The following EXOC4 variants were observed in gnomAD, a reference collection of about 807,000 sequenced individuals.
The protein encoded by EXOC4 is SEC8-like 1.
A neutral mutation model predicts 107.2 loss-of-function variants in EXOC4; 71 were observed. The observed-to-expected ratio is 0.66, with a 90% CI of 0.55 to 0.81. The LOEUF (loss-of-function observed/expected upper bound fraction) is 0.81. Ranked by LOEUF, EXOC4 falls within the 30% of genes least tolerant of loss-of-function variation. The pLI is 0.00. For missense variants in EXOC4, 1,108 were observed against 1,189.6 expected (o/e 0.93, Z 1.01); for synonymous variants, 456 against 441.2 (o/e 1.03, Z -0.42).
intron 7 of EXOC4, among the ~76,000 whole-genome samples, chr7:133,381,888 C>T (rs1320929106): frequency 6.6e-6 from 1 of 152,060 alleles, no homozygotes; most frequent in African/African-American, 2.4e-5. Flanking sequence ...ACCTCTTGGA[C>T]CATCATCAGC....
chr7:133,721,656 C>A (rs1238467563), intron 10 of EXOC4, among the ~76,000 whole-genome samples: 2 of 152,128 alleles, frequency 1.3e-5, no homozygotes, highest in Non-Finnish European at 2.9e-5. Flanking sequence ...CGTCTCTTTT[C>A]ATGTAGTCAT....
At position 134,019,778 on chromosome 7, in the gene EXOC4, A is replaced by C. The variant is rs551076482; in HGVS notation, c.2687+11943A>C. On this transcript the variant is annotated intron_variant, in intron 17 of 17. Transcript: ENST00000253861. ...ATATTAAAATATGATTTTATTTTTC[A>C]GTTATTCTCTTAGCTATCAAACATT... Among the ~76,000 whole-genome samples, 16 of 152,292 alleles carry C rather than the reference A, an allele frequency of 1.1e-4. 1 individual carries two copies. The South Asian group carries it at 1.9e-3, about 18-fold the overall frequency.
intron 9 of EXOC4, among the ~76,000 whole-genome samples, chr7:133,578,470 T>G (rs553460923): frequency 1.3e-5 from 2 of 152,208 alleles, no homozygotes; most frequent in Non-Finnish European, 2.9e-5. Context: ...ATTATATTTC[T>G]TATCACTATG....
Position 133,356,549 on chromosome 7 carries a change from A to G in EXOC4, c.983A>G (p.Asn328Ser). ...VADSGYQRGE[N>S]VTVENQPRLL... Reference sequence around the variant, plus strand: ...GACAGTGGCTATCAGCGGGGGGAGAACGTTACTGTGGAGAACCAACCAAGG... The same window carrying G: ...GACAGTGGCTATCAGCGGGGGGAGAGCGTTACTGTGGAGAACCAACCAAGG... The change falls in exon 6 of 18, where the codon AAC (asparagine) becomes AGC (serine). Residue 328 changes from asparagine to serine, a missense_variant. Asn to Ser is a conservative substitution (Grantham distance 46). Coordinates refer to ENST00000253861, the MANE Select transcript of EXOC4 (RefSeq NM_021807.4). 6.2e-7 allele frequency: 1 copy of G among 1,614,016 alleles called. No individual in the cohort carries two copies. The highest frequency in any genetic ancestry group is 8.5e-7 in the Non-Finnish European group (1 of 1,179,924).
chr7:133,730,857 G>A lies in EXOC4; in HGVS notation c.1515-86468G>A, dbSNP rs542354969. Among the ~76,000 whole-genome samples, 4 of 152,264 alleles carry A rather than the reference G, an allele frequency of 2.6e-5. No individual in the cohort carries two copies. In the South Asian group the frequency reaches 8.3e-4, roughly 32 times the overall value. On this transcript the variant is annotated intron_variant, in intron 10 of 17. Coordinates refer to ENST00000253861, the MANE Select transcript of EXOC4 (RefSeq NM_021807.4). Reference sequence around the variant, plus strand: ...ATAAACACAAGTATGGTGCACTTTGGTAATTTTTTGGTGAATGCTGTGGAA... The same window carrying A: ...ATAAACACAAGTATGGTGCACTTTGATAATTTTTTGGTGAATGCTGTGGAA...
chr7:133,531,801 T>G (rs890378314), intron 9 of EXOC4, among the ~76,000 whole-genome samples: 1 of 152,112 alleles, frequency 6.6e-6, no homozygotes, highest in Non-Finnish European at 1.5e-5. Context: ...TTTTGAATTG[T>G]TTTTAGAAAT....
intron 13 of EXOC4, 28 bp from the exon 14 acceptor site, chr7:133,937,863 T>C (rs1800340105): frequency 6.2e-7 from 1 of 1,613,246 alleles, no homozygotes; most frequent in South Asian, 1.1e-5. Flanking sequence ...GCTGTATATA[T>C]GAAGTGTGTT....
intron 11 of EXOC4, among the ~76,000 whole-genome samples, chr7:133,864,278 T>G (rs1000104488): frequency 6.6e-6 from 1 of 152,158 alleles, no homozygotes. Context: ...CTCTGTGAGA[T>G]AGGTTATTTC....
chr7:133,361,763 G>T (rs1033536808), intron 6 of EXOC4, among the ~76,000 whole-genome samples: 4 of 152,110 alleles, frequency 2.6e-5, no homozygotes, highest in South Asian at 4.1e-4. Context: ...AAAGTAACTT[G>T]TCATGATATC....
At chr7:133,281,704 ATTT>A (rs1029951425) in intron 2 of EXOC4, among the ~76,000 whole-genome samples, 1 of 125,998 alleles carries the variant, frequency 7.9e-6, no homozygotes, top group Non-Finnish European at 1.7e-5. Flanking sequence ...TTTCTTTTCT[ATTT>A]TTTTTTTTTT....
At chr7:133,637,119 A>G (rs1238604178) in intron 10 of EXOC4, among the ~76,000 whole-genome samples, 2 of 152,170 alleles carry the variant, frequency 1.3e-5, no homozygotes, top group Non-Finnish European at 2.9e-5. Context: ...CTAAATCCAA[A>G]CCTGGAGGAG....
chr7:133,766,271 C>G (rs556118458), intron 10 of EXOC4, among the ~76,000 whole-genome samples: 3 of 152,098 alleles, frequency 2.0e-5, no homozygotes, highest in East Asian at 3.9e-4. Flanking sequence ...CTTTGTCATG[C>G]ATCTGGTTAT....
At chr7:133,752,623 G>C (rs1795818051) in intron 10 of EXOC4, among the ~76,000 whole-genome samples, 1 of 152,132 alleles carries the variant, frequency 6.6e-6, no homozygotes, top group South Asian at 2.1e-4. Flanking sequence ...TAAAAAAGTG[G>C]TTATAAGTGT....
intron 10 of EXOC4, among the ~76,000 whole-genome samples, chr7:133,787,173 C>CTTTTTT (rs3076807): frequency 4.5e-5 from 6 of 133,128 alleles, no homozygotes; most frequent in East Asian, 2.2e-4. Flanking sequence ...TTTTTCTTTT[C>CTTTTTT]TTTTTTTTTT....
intron 10 of EXOC4, among the ~76,000 whole-genome samples, chr7:133,781,482 T>C (rs1450822413): frequency 1.3e-5 from 2 of 152,376 alleles, no homozygotes; most frequent in South Asian, 2.1e-4. Flanking sequence ...CTTGAAGATA[T>C]CAGTTAGTCT....
chr7:133,835,354 A>C (rs552254789), intron 11 of EXOC4, among the ~76,000 whole-genome samples: 45 of 152,334 alleles, frequency 3.0e-4, no homozygotes, highest in Non-Finnish European at 5.9e-4. Flanking sequence ...TGTTTTATAC[A>C]TTAAGGACAC....
At chr7:133,515,838 C>G (rs1315498863) in intron 9 of EXOC4, among the ~76,000 whole-genome samples, 1 of 152,142 alleles carries the variant, frequency 6.6e-6, no homozygotes, top group African/African-American at 2.4e-5. Context: ...TAGCCAGTTT[C>G]TAAAGAATTC....
At chr7:133,662,698 C>G (rs7783281) in intron 10 of EXOC4, among the ~76,000 whole-genome samples, 1 of 152,082 alleles carries the variant, frequency 6.6e-6, no homozygotes, top group Non-Finnish European at 1.5e-5. Context: ...CTAAAATAAA[C>G]AAATATGTGT....
intron 7 of EXOC4, among the ~76,000 whole-genome samples, chr7:133,452,696 C>T (rs900799710): frequency 3.3e-4 from 50 of 151,614 alleles, no homozygotes; most frequent in African/African-American, 9.9e-4. Flanking sequence ...TTGAGAGCCC[C>T]TGACAGCCTG....
Sources: gnomAD v4.1 joint callset for allele counts (sites outside exome capture counted in the v4.1 genomes callset) on GRCh38, gnomAD v4.1.1 for gene constraint, MANE v1.5 for transcripts, NCBI Gene and HGNC (gene_info 2026-07-23, HGNC 2026-07-21) for gene names.